TCOF1: variants seen among roughly 807,000 people sequenced by gnomAD.
The protein encoded by TCOF1 is treacle protein.
TCOF1 carries 33 observed loss-of-function variants against 149.0 expected under a neutral mutation model. That is an observed-to-expected ratio of 0.22 (90% CI 0.17 to 0.30). TCOF1 has a LOEUF of 0.30. Among genes scored for constraint, TCOF1 ranks in the 10% least tolerant of loss-of-function variants. The pLI is 1.00. For missense variants in TCOF1, 1,728 were observed against 1,840.7 expected, an observed-to-expected ratio of 0.94 and a Z score of 1.12; for synonymous variants, 789 against 738.8, an observed-to-expected ratio of 1.07 and a Z score of -1.10.
At chr5:150,368,504 T>G in intron 4 of TCOF1, 1 of 592,844 alleles carries the variant, frequency 1.7e-6, no homozygotes, top group Non-Finnish European at 3.0e-6. Flanking sequence ...AACTACCATG[T>G]CCCAAGAACT....
intron 5 of TCOF1, 148 bp downstream of exon 5, chr5:150,369,050 T>G: frequency 9.2e-7 from 1 of 1,081,418 alleles, no homozygotes; most frequent in Non-Finnish European, 1.4e-6. Flanking sequence ...ACTTTTCTCA[T>G]CACCTAGACG....
At chr5:150,361,050 C>T in intron 1 of TCOF1, 106 bp from the exon 2 acceptor site, 1 of 1,486,338 alleles carries the variant, frequency 6.7e-7, no homozygotes, top group Non-Finnish European at 9.4e-7. Context: ...AGACCCTCTT[C>T]TGAACCACCT....
intron 6 of TCOF1, 45 bp downstream of exon 6, chr5:150,369,647 A>T (rs1762110837): frequency 1.2e-6 from 2 of 1,605,286 alleles, no homozygotes; most frequent in African/African-American, 2.7e-5. Flanking sequence ...CCAGCCTCTA[A>T]CCCTTCCAGG....
intron 23 of TCOF1, 48 bp from the exon 24 acceptor site, chr5:150,396,234 T>C (rs1768477499): frequency 6.2e-7 from 1 of 1,606,174 alleles, no homozygotes; most frequent in Admixed American, 1.7e-5. Context: ...CCATAAGATC[T>C]GTCCCCCAAC....
At chr5:150,383,176 C>T (rs75194147) in intron 17 of TCOF1, 117,041 of 1,534,162 alleles carry the variant, frequency 0.076, 4,954 homozygotes, top group South Asian at 0.092. Context: ...GACCCAGGTG[C>T]GCCATGCCTT....
chr5:150,384,575 C>T lies in TCOF1; in HGVS notation c.2860-3327C>T, dbSNP rs112728406. 1.5e-5 allele frequency: 15 copies of T among 985,356 alleles called. No homozygotes were observed. The East Asian group carries it at 1.0e-3, about 67-fold the overall frequency. 61.0% of individuals were successfully genotyped at this position (985,356 alleles called of 1,614,324 possible). On this transcript the variant is annotated intron_variant, in intron 17 of 26. Coordinates refer to ENST00000643257, the MANE Select transcript of TCOF1 (RefSeq NM_001371623.1). The stretch of plus-strand genomic sequence containing the variant: ...TCTAAACAACTGGGAGGGAGGGGAC[C>T]GCTCCCCCTTTCTCTGTGGGGGTGG...
rs918603164 is a variant in TCOF1 at position 150,376,602 on chromosome 5, A to G, written c.2322A>G (p.Ala774=). Residue 774 remains alanine (A), a synonymous_variant, in exon 14 of 27, where the codon GCA becomes GCG. Transcript: ENST00000643257. ...SSEEESDSEE[A]AASPAQVKTS... is the part of the protein sequence containing the mutation. ...AGGAGGAATCAGACAGTGAGGAAGCAGCTGCATCTCCAGCACAGGTGAGGC... is the reference window on the plus strand; with the variant it reads ...AGGAGGAATCAGACAGTGAGGAAGCGGCTGCATCTCCAGCACAGGTGAGGC... 3.8e-6 allele frequency: 6 copies of G among 1,571,734 alleles called. No individual in the cohort carries two copies. The highest frequency in any genetic ancestry group is 5.2e-6 in the Non-Finnish European group (6 of 1,158,658).
chr5:150,376,869 G>C (rs1419179213), intron 14 of TCOF1, among the ~76,000 whole-genome samples: 1 of 152,242 alleles, frequency 6.6e-6, no homozygotes, highest in Non-Finnish European at 1.5e-5. Flanking sequence ...AAGCTCTGGA[G>C]TTCCCACCCT....
At chr5:150,358,530 A>G (rs1029929976) in intron 1 of TCOF1, among the ~76,000 whole-genome samples, 3 of 152,294 alleles carry the variant, frequency 2.0e-5, no homozygotes, top group Admixed American at 6.5e-5. Flanking sequence ...TAGCACCGCA[A>G]TAAGTGTTAA....
In TCOF1 at chr5:150,384,274, C is replaced by G. The variant is rs1581168765; in HGVS notation, c.2860-3628C>G. On this transcript the variant is annotated intron_variant, in intron 17 of 26. Coordinates refer to ENST00000643257, the MANE Select transcript of TCOF1 (RefSeq NM_001371623.1). ...ACCAACATCGGTAACTCCCTGTATTCTCATTTTTCTGTTTAATCTCCACAA... is the reference window on the plus strand; with the variant it reads ...ACCAACATCGGTAACTCCCTGTATTGTCATTTTTCTGTTTAATCTCCACAA... 5.1e-6 allele frequency: 5 copies of G among 989,816 alleles called. No individual in the cohort carries two copies. In the South Asian group the frequency reaches 1.4e-4, roughly 27 times the overall value. 61.3% of individuals were successfully genotyped at this position (989,816 alleles called of 1,614,324 possible).
intron 9 of TCOF1, 61 bp from the exon 10 acceptor site, chr5:150,374,893 C>G: frequency 6.2e-7 from 1 of 1,611,604 alleles, no homozygotes. Flanking sequence ...TTGCCACATC[C>G]AGCTCCTGTC....
chr5:150,383,021 C>T, intron 17 of TCOF1: 2 of 1,467,134 alleles, frequency 1.4e-6, no homozygotes, highest in Non-Finnish European at 9.1e-7. Context: ...GCAAATGCCC[C>T]ACTCCCCGAC....
At position 150,399,005 on chromosome 5, in the gene TCOF1, T is replaced by A. The variant is rs1316214933; in HGVS notation, c.4444-17T>A. 1 of 1,614,078 alleles carries A rather than the reference T, an allele frequency of 6.2e-7. No individual in the cohort carries two copies. On this transcript the variant is annotated splice_polypyrimidine_tract_variant and intron_variant, in intron 25 of 26. Coordinates refer to ENST00000643257, the MANE Select transcript of TCOF1 (RefSeq NM_001371623.1). ...AAGCTGCAGGTCTGAGAGCCTCTCGTACTTCCCTCCTCACAGAAGAAGACA... is the reference window on the plus strand; with the variant it reads ...AAGCTGCAGGTCTGAGAGCCTCTCGAACTTCCCTCCTCACAGAAGAAGACA...
intron 2 of TCOF1, among the ~76,000 whole-genome samples, chr5:150,363,451 T>C (rs1481604671): frequency 6.6e-6 from 1 of 152,204 alleles, no homozygotes; most frequent in East Asian, 1.9e-4. Context: ...TGGGTGCTTA[T>C]CCTACCCATG....
At chr5:150,397,379 CTG>C (rs1291393388) in intron 24 of TCOF1, among the ~76,000 whole-genome samples, 6 of 152,238 alleles carry the variant, frequency 3.9e-5, no homozygotes, top group Admixed American at 2.0e-4. Context: ...AGGAACCAGA[CTG>C]TCAGAATCCT....
In TCOF1 at chr5:150,396,646, C is replaced by G; in HGVS notation, c.4149C>G (p.Thr1383=). ...GGEASVSPEK[T]STTSKGKAKR... ...AGGCCTCTGTTTCCCCAGAAAAGACCTCCACGACTTCCAAGGGGAAAGCAA... is the reference window on the plus strand; with the variant it reads ...AGGCCTCTGTTTCCCCAGAAAAGACGTCCACGACTTCCAAGGGGAAAGCAA... The change falls in exon 24 of 27, where the codon ACC becomes ACG. Residue 1383 remains threonine, a synonymous_variant. Coordinates refer to ENST00000643257, the MANE Select transcript of TCOF1 (RefSeq NM_001371623.1). The G allele has an allele frequency of 1.2e-6, 2 of 1,607,170 alleles. No homozygotes were observed. The highest frequency in any genetic ancestry group is 1.7e-6 in the Non-Finnish European group (2 of 1,176,560).
intron 18 of TCOF1, among the ~76,000 whole-genome samples, chr5:150,388,456 T>A (rs1438790679): frequency 6.6e-6 from 1 of 152,140 alleles, no homozygotes; most frequent in Non-Finnish European, 1.5e-5. Context: ...TAAAGTAGGT[T>A]AGGCAATCCC....
At chr5:150,393,177 A>G in intron 22 of TCOF1, 195 bp from the exon 23 acceptor site, 1 of 650,532 alleles carries the variant, frequency 1.5e-6, no homozygotes, top group Non-Finnish European at 2.7e-6. Context: ...AAGTGTATTA[A>G]TTAAAATAGT....
intron 4 of TCOF1, 163 bp from the exon 5 acceptor site, chr5:150,368,553 G>T (rs1761864239): frequency 4.1e-6 from 3 of 733,914 alleles, no homozygotes; most frequent in Admixed American, 4.5e-5. Flanking sequence ...GAGAGGAGGT[G>T]CTGTTTTTAA....
Sources: allele counts gnomAD v4.1 joint callset (sites outside exome capture counted in the v4.1 genomes callset), GRCh38; gene constraint gnomAD v4.1.1; transcripts MANE v1.5; gene names NCBI Gene and HGNC (gene_info 2026-07-23, HGNC 2026-07-21).